GRIA3: variants seen among roughly 807,000 people sequenced by gnomAD.
GRIA3 encodes glutamate receptor 3.
GRIA3 carries 3 observed loss-of-function variants against 63.0 expected under a neutral mutation model. The ratio of observed to expected loss-of-function variants is 0.05; its 90% CI spans 0.02 to 0.12. The LOEUF is 0.12. Among genes scored for constraint, GRIA3 ranks in the 10% least tolerant of loss-of-function variants. GRIA3 has a pLI of 1.00. For synonymous variants in GRIA3, 274 were observed against 257.9 expected (o/e 1.06, Z -0.60); for missense variants, 347 against 700.9 (o/e 0.50, Z 5.70).
chrX:123,417,381 CT>C lies in GRIA3; in HGVS notation c.1501-13del. The C allele has an allele frequency of 6.8e-6, 8 of 1,168,495 alleles. No individual in the cohort carries two copies. The highest frequency in any genetic ancestry group is 9.3e-6 in the Non-Finnish European group (8 of 858,279). On this transcript the variant is annotated intron_variant, in intron 10 of 15. Transcript: ENST00000620443. ...TGTCTCTAAAAGTCATATATGTTTT[CT>C]TTTTTTTCTTTTTTTTCAGAGAGCT...
intron 12 of GRIA3, among the ~76,000 whole-genome samples, chrX:123,446,244 G>A (rs752258141): frequency 8.9e-6 from 1 of 112,114 alleles, no homozygotes; most frequent in Admixed American, 9.5e-5. Flanking sequence ...AATTTGTAAC[G>A]TTATTAATAT....
At chrX:123,389,688 TTTGTTGTTGTTG>T (rs200693212) in intron 5 of GRIA3, among the ~76,000 whole-genome samples, 3 of 106,843 alleles carry the variant, frequency 2.8e-5, no homozygotes, top group Non-Finnish European at 3.8e-5. Flanking sequence ...TTCTTTTGTT[TTTGTTGTTGTTG>T]TTGTTGTTGT....
chrX:123,428,186 T>C (rs746686468), intron 12 of GRIA3, 47 bp downstream of exon 12: 1 of 883,765 alleles, frequency 1.1e-6, no homozygotes, highest in Non-Finnish European at 1.7e-6. Flanking sequence ...TATTTTATCA[T>C]CTTCTCACAA....
At chrX:123,362,930 A>G (rs1266437802) in intron 5 of GRIA3, among the ~76,000 whole-genome samples, 1 of 112,945 alleles carries the variant, frequency 8.9e-6, no homozygotes, top group African/African-American at 3.2e-5. Flanking sequence ...ACTAGAGAAT[A>G]AAATCATGAG....
At chrX:123,339,538 C>T (rs1376391048) in intron 4 of GRIA3, among the ~76,000 whole-genome samples, 1 of 112,076 alleles carries the variant, frequency 8.9e-6, no homozygotes, top group Admixed American at 9.5e-5. Flanking sequence ...GTGATAAGAG[C>T]AGTGGCAGAG....
chrX:123,302,359 A>G (rs1003277770), intron 3 of GRIA3, among the ~76,000 whole-genome samples: 1 of 111,812 alleles, frequency 8.9e-6, no homozygotes, highest in African/African-American at 3.2e-5. Flanking sequence ...TGGTCTCTAC[A>G]TGTCTTTCCA....
chrX:123,246,978 A>G (rs1173111408), intron 2 of GRIA3, among the ~76,000 whole-genome samples: 1 of 111,269 alleles, frequency 9.0e-6, no homozygotes, highest in Non-Finnish European at 1.9e-5. Flanking sequence ...AACTCCACCA[A>G]TTACTAATAC....
rs138479130 is a variant in GRIA3, at chrX:123,446,196, G to C, written c.2076+18057G>C. Among the ~76,000 whole-genome samples the C allele has an allele frequency of 4.3e-3, 480 of 112,111 alleles. 1 individual carries two copies. Among genetic ancestry groups the C allele is most frequent in the African/African-American group, 0.015 (456 of 30,944 alleles). ...CATGTTGCTAAAACAGAAACAATGA[G>C]AAACCTAAATGTTCTGCATTCCTTG... On this transcript the variant is annotated intron_variant, in intron 12 of 15. Coordinates refer to ENST00000620443, the MANE Select transcript of GRIA3 (RefSeq NM_007325.5).
intron 2 of GRIA3, among the ~76,000 whole-genome samples, chrX:123,189,857 C>A (rs1927382524): frequency 9.0e-6 from 1 of 111,021 alleles, no homozygotes; most frequent in Non-Finnish European, 1.9e-5. Flanking sequence ...AATTTTATTC[C>A]ATTAATTTTT....
intron 12 of GRIA3, among the ~76,000 whole-genome samples, chrX:123,445,932 CCT>C (rs2045700869): frequency 8.9e-6 from 1 of 111,977 alleles, no homozygotes; most frequent in Admixed American, 9.4e-5. Context: ...TAGGAATTCC[CCT>C]GTTATATAAC....
intron 2 of GRIA3, among the ~76,000 whole-genome samples, chrX:123,235,377 T>C (rs1008382907): frequency 1.8e-5 from 2 of 112,023 alleles, no homozygotes; most frequent in Admixed American, 1.9e-4. Context: ...ACTCAAAATG[T>C]CTTTTAAAAT....
At chrX:123,327,120 C>T (rs1162121194) in intron 4 of GRIA3, among the ~76,000 whole-genome samples, 1 of 110,680 alleles carries the variant, frequency 9.0e-6, no homozygotes, top group African/African-American at 3.3e-5. Context: ...GAGCTATGAC[C>T]GCACCACTGC....
rs1157595220 is a variant in GRIA3 at position 123,360,833 on chromosome X, CCTCT to C, written c.750+5890_750+5893del. Among the ~76,000 whole-genome samples, 19 of 67,699 alleles carry C rather than the reference CCTCT, an allele frequency of 2.8e-4. 1 individual carries two copies. Among genetic ancestry groups the C allele is most frequent in the African/African-American group, 1.1e-3 (18 of 16,291 alleles). The allele number at this position is 67,699 out of a possible 115,157, so 58.8% of individuals were successfully genotyped here. A position where few individuals can be genotyped will look rare whatever the true frequency, so the allele number is the denominator to read the frequency against. On this transcript the variant is annotated intron_variant, in intron 5 of 15. Transcript: ENST00000620443. ...TGCTGTCTAACCATTTTCCTTCCCT[CCTCT>C]CTCTCTCTCTCTCTCTCTCACACAC...
chrX:123,301,235 G>T (rs1322090695), intron 3 of GRIA3, among the ~76,000 whole-genome samples: 3 of 111,175 alleles, frequency 2.7e-5, no homozygotes, highest in Non-Finnish European at 5.7e-5. Context: ...TTAATTTTCT[G>T]TCTCAACAAT....
chrX:123,424,720 G>T (rs1474753449), intron 11 of GRIA3, among the ~76,000 whole-genome samples: 1 of 111,507 alleles, frequency 9.0e-6, no homozygotes, highest in African/African-American at 3.3e-5. Flanking sequence ...TTTCAGTCAT[G>T]TCAACAACCA....
At chrX:123,486,585 G>T (rs1325694428) in intron 15 of GRIA3, among the ~76,000 whole-genome samples, 1 of 112,320 alleles carries the variant, frequency 8.9e-6, no homozygotes, top group Non-Finnish European at 1.9e-5. Context: ...TAGTCAAGAG[G>T]CATAAAGCAA....
intron 11 of GRIA3, among the ~76,000 whole-genome samples, chrX:123,420,715 T>TTA (rs1196472995): frequency 4.4e-4 from 49 of 111,021 alleles, no homozygotes; most frequent in Non-Finnish European, 3.8e-5. Context: ...TTAGAAGAAT[T>TTA]TATATATATA....
chrX:123,473,697 T>C (rs1316099654), intron 13 of GRIA3, among the ~76,000 whole-genome samples: 1 of 111,874 alleles, frequency 8.9e-6, no homozygotes, highest in Non-Finnish European at 1.9e-5. Flanking sequence ...AAGAAGCAGG[T>C]GTTAGTAACT....
chrX:123,462,297 A>G (rs1430656372), intron 12 of GRIA3, among the ~76,000 whole-genome samples: 4 of 111,984 alleles, frequency 3.6e-5, no homozygotes, highest in Non-Finnish European at 5.6e-5. Context: ...ATAGTCTCCT[A>G]TAACAGGTAG....
Sources: allele counts gnomAD v4.1 joint callset (sites outside exome capture counted in the v4.1 genomes callset), GRCh38; gene constraint gnomAD v4.1.1; transcripts MANE v1.5; gene names NCBI Gene and HGNC (gene_info 2026-07-23, HGNC 2026-07-21).